ADAM10: variants seen among roughly 807,000 people sequenced by gnomAD.
The protein encoded by ADAM10 is ADAM metallopeptidase domain 10.
ADAM10 carries 17 observed loss-of-function variants against 90.1 expected under a neutral mutation model. The observed-to-expected ratio is 0.19, with a 90% CI of 0.13 to 0.28. ADAM10 has a LOEUF of 0.28. Among genes scored for constraint, ADAM10 ranks in the 10% least tolerant of loss-of-function variants. The probability of loss-of-function intolerance (pLI) is 1.00; values close to 1 mark genes in which losing one functional copy is unlikely to be tolerated. For missense variants in ADAM10, 610 were observed against 914.3 expected, an observed-to-expected ratio of 0.67 and a Z score of 4.29; for synonymous variants, 310 against 298.6, an observed-to-expected ratio of 1.04 and a Z score of -0.40.
Position 58,602,268 on chromosome 15 carries a change from T to C in ADAM10, c.2026-2544A>G, listed in dbSNP as rs565579796. On this transcript the variant is annotated intron_variant, in intron 14 of 15. Coordinates refer to ENST00000260408, the MANE Select transcript of ADAM10 (RefSeq NM_001110.4). ...TTCCAGATTTATCCTGTTCTTTCCCTACCCCAGCCTTGGAACCTGCCAAAG... is the reference window on the plus strand; with the variant it reads ...TTCCAGATTTATCCTGTTCTTTCCCCACCCCAGCCTTGGAACCTGCCAAAG... 4.6e-5 allele frequency among the ~76,000 whole-genome samples: 7 copies of C among 152,348 alleles called. No individual in the cohort carries two copies. The South Asian group carries it at 1.4e-3, about 32-fold the overall frequency.
chr15:58,741,520 T>C (rs1359138806), intron 1 of ADAM10, among the ~76,000 whole-genome samples: 1 of 152,138 alleles, frequency 6.6e-6, no homozygotes, highest in Non-Finnish European at 1.5e-5. Flanking sequence ...CTGACACCCA[T>C]CCCAACCTAT....
Position 58,643,967 on chromosome 15 carries a change from A to G in ADAM10, c.747T>C (p.His249=), listed in dbSNP as rs1320578964. The G allele has an allele frequency of 1.2e-6, 2 of 1,605,888 alleles. No homozygotes were observed. The highest frequency in any genetic ancestry group is 1.1e-5 in the South Asian group (1 of 90,904). The change falls in exon 7 of 16, where the codon CAT becomes CAC. Residue 249 remains histidine, a synonymous_variant. Transcript: ENST00000260408. The part of the protein sequence containing the change: ...REAVIAQISS[H]VKAIDTIYQT... ...GGTAAATTGTATCAATCGCTTTAAC[A>G]TGACTGGATATCTATGATTTAAAAA...
At chr15:58,706,193 C>G (rs1567004798) in intron 2 of ADAM10, among the ~76,000 whole-genome samples, 1 of 152,122 alleles carries the variant, frequency 6.6e-6, no homozygotes, top group Non-Finnish European at 1.5e-5. Context: ...CATAAAGCCC[C>G]AACTAATGAA....
At chr15:58,690,920 A>G (rs540149774) in intron 2 of ADAM10, among the ~76,000 whole-genome samples, 1 of 152,298 alleles carries the variant, frequency 6.6e-6, no homozygotes, top group African/African-American at 2.4e-5. Context: ...GTGTGGTTTC[A>G]AACAGCAGCA....
Position 58,612,806 on chromosome 15 carries a change from G to A in ADAM10, c.1512-815C>T, listed in dbSNP as rs763827145. Among the ~76,000 whole-genome samples, 5 of 152,198 alleles carry A rather than the reference G, an allele frequency of 3.3e-5. No homozygotes were observed. The South Asian group carries it at 1.0e-3, about 31-fold the overall frequency. On this transcript the variant is annotated intron_variant, in intron 11 of 15. Coordinates refer to ENST00000260408, the MANE Select transcript of ADAM10 (RefSeq NM_001110.4). ...AATCCCAGCTACAGACTGGCCCGCT[G>A]GGCCCAAGGTGCTAGGGAGTAACCC... is the stretch of plus-strand genomic sequence containing the variant.
At chr15:58,688,368 T>TA (rs1230146898) in intron 2 of ADAM10, among the ~76,000 whole-genome samples, 1 of 150,568 alleles carries the variant, frequency 6.6e-6, no homozygotes, top group African/African-American at 2.4e-5. Flanking sequence ...TCTCTAATTT[T>TA]AAAAAAAACA....
chr15:58,686,084 G>T (rs1296600541), intron 2 of ADAM10, among the ~76,000 whole-genome samples: 1 of 152,158 alleles, frequency 6.6e-6, no homozygotes, highest in Non-Finnish European at 1.5e-5. Context: ...CAATGAGAAA[G>T]AACTCCAGAA....
chr15:58,644,240 T>A (rs976924878), intron 6 of ADAM10, among the ~76,000 whole-genome samples: 1 of 151,578 alleles, frequency 6.6e-6, no homozygotes, highest in East Asian at 1.9e-4. Flanking sequence ...TTTTGTTTTT[T>A]TTTTTGGAGA....
At chr15:58,605,431 C>T (rs1895242535) in intron 14 of ADAM10, among the ~76,000 whole-genome samples, 2 of 146,612 alleles carry the variant, frequency 1.4e-5, no homozygotes, top group Non-Finnish European at 3.0e-5. Context: ...TTAGTAAGTA[C>T]GGCCACCTTT....
chr15:58,707,243 G>A (rs1227640788), intron 2 of ADAM10: 1 of 151,546 alleles, frequency 6.6e-6, no homozygotes, highest in Non-Finnish European at 1.5e-5. Flanking sequence ...AATTAGCCGG[G>A]CGTGGTGGCG....
intron 11 of ADAM10, among the ~76,000 whole-genome samples, chr15:58,616,649 A>T (rs758957479): frequency 6.6e-6 from 1 of 152,226 alleles, no homozygotes; most frequent in Admixed American, 6.5e-5. Context: ...TTAAGACGGA[A>T]GTTTATAGCA....
chr15:58,740,014 G>A (rs1243866704), intron 1 of ADAM10, among the ~76,000 whole-genome samples: 1 of 152,196 alleles, frequency 6.6e-6, no homozygotes, highest in Non-Finnish European at 1.5e-5. Context: ...CACTGTGCTA[G>A]GTCCTAAAAC....
At chr15:58,676,895 T>C (rs1201987048) in intron 4 of ADAM10, among the ~76,000 whole-genome samples, 1 of 152,216 alleles carries the variant, frequency 6.6e-6, no homozygotes, top group Non-Finnish European at 1.5e-5. Flanking sequence ...CTTTGGCTGT[T>C]CTCGTGCTAC....
At chr15:58,699,155 A>G (rs1595632368) in intron 2 of ADAM10, among the ~76,000 whole-genome samples, 1 of 152,212 alleles carries the variant, frequency 6.6e-6, no homozygotes, top group East Asian at 1.9e-4. Context: ...TCAAAGTGCT[A>G]AAAGAAAAAA....
intron 6 of ADAM10, among the ~76,000 whole-genome samples, chr15:58,644,936 G>A: frequency 6.6e-6 from 1 of 152,090 alleles, no homozygotes; most frequent in East Asian, 1.9e-4. Context: ...GGAGATAAAC[G>A]ATGATAAACC....
chr15:58,608,311 G>C (rs1197400384), intron 14 of ADAM10, among the ~76,000 whole-genome samples: 1 of 152,192 alleles, frequency 6.6e-6, no homozygotes, highest in African/African-American at 2.4e-5. Flanking sequence ...TTCTTTCACA[G>C]CTTCTTACAC....
At chr15:58,648,529 T>C (rs1896609174) in intron 5 of ADAM10, among the ~76,000 whole-genome samples, 1 of 152,172 alleles carries the variant, frequency 6.6e-6, no homozygotes, top group African/African-American at 2.4e-5. Context: ...ATGTGAAAAT[T>C]CTATTTAAAG....
At chr15:58,688,934 A>T (rs1276386594) in intron 2 of ADAM10, among the ~76,000 whole-genome samples, 1 of 150,276 alleles carries the variant, frequency 6.7e-6, no homozygotes, top group Non-Finnish European at 1.5e-5. Flanking sequence ...GAGCCTCAGT[A>T]ACCTATCAAA....
chr15:58,688,650 C>G (rs1268026084), intron 2 of ADAM10, among the ~76,000 whole-genome samples: 1 of 147,402 alleles, frequency 6.8e-6, no homozygotes, highest in African/African-American at 2.5e-5. Flanking sequence ...AAACCAAAAA[C>G]TGTCGAAAGA....
Sources: allele counts gnomAD v4.1 joint callset (sites outside exome capture counted in the v4.1 genomes callset), GRCh38; gene constraint gnomAD v4.1.1; transcripts MANE v1.5; gene names NCBI Gene and HGNC (gene_info 2026-07-23, HGNC 2026-07-21).